Variants in ALCAM observed in about 807,000 individuals in gnomAD.
ALCAM encodes activated leukocyte cell adhesion molecule.
In ALCAM, 30 loss-of-function variants were observed where a neutral mutation model predicts 70.9. That is an observed-to-expected ratio of 0.42 (90% confidence interval 0.32 to 0.57). The LOEUF is 0.57. Ranked by LOEUF, ALCAM falls within the 20% of genes least tolerant of loss-of-function variation. The pLI is 0.11. For missense variants in ALCAM, 591 were observed against 695.1 expected, an observed-to-expected ratio of 0.85 and a Z score of 1.68; for synonymous variants, 249 against 242.5, an observed-to-expected ratio of 1.03 and a Z score of -0.25.
At chr3:105,456,431 A>T (rs1470777106) in intron 1 of ALCAM, among the ~76,000 whole-genome samples, 1 of 152,218 alleles carries the variant, frequency 6.6e-6, no homozygotes, top group Non-Finnish European at 1.5e-5. Flanking sequence ...AGCCCTTAAA[A>T]ATGATTTCAA....
chr3:105,536,863 A>G (rs887320182), intron 6 of ALCAM, among the ~76,000 whole-genome samples: 4 of 152,150 alleles, frequency 2.6e-5, no homozygotes, highest in African/African-American at 9.6e-5. Context: ...AGTGTAAATC[A>G]GAAGAACATG....
intron 1 of ALCAM, among the ~76,000 whole-genome samples, chr3:105,375,837 G>A (rs957370462): frequency 1.3e-5 from 2 of 152,072 alleles, no homozygotes; most frequent in African/African-American, 4.8e-5. Flanking sequence ...CAGAAAAGGC[G>A]ACCTGATGTG....
chr3:105,475,998 C>A (rs1212031087), intron 1 of ALCAM, among the ~76,000 whole-genome samples: 1 of 151,932 alleles, frequency 6.6e-6, no homozygotes, highest in Admixed American at 6.6e-5. Flanking sequence ...ATACCTTTCT[C>A]CTGAGGGTCT....
At chr3:105,449,379 A>G (rs1366384082) in intron 1 of ALCAM, among the ~76,000 whole-genome samples, 2 of 152,228 alleles carry the variant, frequency 1.3e-5, no homozygotes, top group African/African-American at 2.4e-5. Flanking sequence ...TTCTCCAGGC[A>G]TTTTTAGAAA....
chr3:105,407,028 A>T (rs1936253092), intron 1 of ALCAM, among the ~76,000 whole-genome samples: 1 of 152,174 alleles, frequency 6.6e-6, no homozygotes, highest in Non-Finnish European at 1.5e-5. Flanking sequence ...CTCTGAACAG[A>T]CCAATAACAA....
intron 1 of ALCAM, among the ~76,000 whole-genome samples, chr3:105,449,530 T>C (rs1338035802): frequency 6.6e-6 from 1 of 152,270 alleles, no homozygotes; most frequent in African/African-American, 2.4e-5. Context: ...ATTGTTTCAC[T>C]ATTTGATTAG....
intron 1 of ALCAM, among the ~76,000 whole-genome samples, chr3:105,519,645 T>C (rs1939477810): frequency 6.6e-6 from 1 of 152,152 alleles, no homozygotes; most frequent in Non-Finnish European, 1.5e-5. Flanking sequence ...AACACAAATA[T>C]AGTTAAAGCT....
At chr3:105,391,106 AAGT>A (rs1238181329) in intron 1 of ALCAM, among the ~76,000 whole-genome samples, 1 of 152,024 alleles carries the variant, frequency 6.6e-6, no homozygotes. Flanking sequence ...ATGAAGTTTA[AAGT>A]AGTTTTTTTC....
Position 105,524,521 on chromosome 3 carries a change from C to T in ALCAM, c.394+13C>T, listed in dbSNP as rs929797653. Reference sequence around the variant, plus strand: ...GTCAAGGTGTTCAGTAAGTAGTCTGCAGCAGTGTCACTGCTAAGTGGGATT... The same window carrying T: ...GTCAAGGTGTTCAGTAAGTAGTCTGTAGCAGTGTCACTGCTAAGTGGGATT... On this transcript the variant is annotated intron_variant, in intron 3 of 15. Transcript: ENST00000306107. The T allele has an allele frequency of 8.7e-6, 14 of 1,613,644 alleles. No individual in the cohort carries two copies. The East Asian group carries it at 2.9e-4, about 33-fold the overall frequency.
intron 1 of ALCAM, among the ~76,000 whole-genome samples, chr3:105,378,209 A>G (rs1253809470): frequency 6.6e-6 from 1 of 151,926 alleles, no homozygotes; most frequent in Non-Finnish European, 1.5e-5. Context: ...TCACTTTTAC[A>G]TAGAAAATAG....
intron 1 of ALCAM, among the ~76,000 whole-genome samples, chr3:105,402,475 G>A (rs530053373): frequency 2.6e-5 from 4 of 152,278 alleles, no homozygotes; most frequent in South Asian, 2.1e-4. Context: ...GGGGAGTCTC[G>A]TGGTTTGGGG....
At chr3:105,527,228 A>G (rs576053588) in intron 3 of ALCAM, among the ~76,000 whole-genome samples, 20 of 152,168 alleles carry the variant, frequency 1.3e-4, no homozygotes, top group Non-Finnish European at 2.5e-4. Flanking sequence ...GTCAGCCTTT[A>G]AAGGTGCCCA....
At chr3:105,443,390 G>A (rs1272007525) in intron 1 of ALCAM, among the ~76,000 whole-genome samples, 2 of 152,026 alleles carry the variant, frequency 1.3e-5, no homozygotes, top group Non-Finnish European at 2.9e-5. Context: ...TCTGCAAGGC[G>A]CAGTGTGTCT....
At chr3:105,495,942 C>T (rs1480266527) in intron 1 of ALCAM, among the ~76,000 whole-genome samples, 1 of 152,172 alleles carries the variant, frequency 6.6e-6, no homozygotes, top group Non-Finnish European at 1.5e-5. Flanking sequence ...GTTCTCAAAG[C>T]CCAAATAGTT....
intron 1 of ALCAM, among the ~76,000 whole-genome samples, chr3:105,510,998 A>G (rs1559816366): frequency 6.6e-6 from 1 of 152,052 alleles, no homozygotes. Context: ...TAGAAATGAT[A>G]AAACTACCTT....
chr3:105,454,958 G>A (rs1325156303), intron 1 of ALCAM, among the ~76,000 whole-genome samples: 1 of 151,786 alleles, frequency 6.6e-6, no homozygotes, highest in African/African-American at 2.4e-5. Context: ...GGGATTACAG[G>A]CGTGAGCCAC....
intron 14 of ALCAM, among the ~76,000 whole-genome samples, chr3:105,561,060 A>AT (rs1365797534): frequency 1.3e-5 from 2 of 151,876 alleles, no homozygotes; most frequent in East Asian, 1.9e-4. Flanking sequence ...GCTCTTTTCA[A>AT]TTTTTTTCTG....
intron 14 of ALCAM, among the ~76,000 whole-genome samples, chr3:105,568,023 G>C (rs1452737166): frequency 6.7e-6 from 1 of 148,504 alleles, no homozygotes; most frequent in African/African-American, 2.5e-5. Flanking sequence ...TGAATGTCTA[G>C]TTCTTTTATT....
chr3:105,453,202 T>G (rs1317840935), intron 1 of ALCAM, among the ~76,000 whole-genome samples: 1 of 152,216 alleles, frequency 6.6e-6, no homozygotes, highest in African/African-American at 2.4e-5. Context: ...TATTATAATT[T>G]TGGGTTTTAC....
Sources: allele counts gnomAD v4.1 joint callset (sites outside exome capture counted in the v4.1 genomes callset), GRCh38; gene constraint gnomAD v4.1.1; transcripts MANE v1.5; gene names NCBI Gene and HGNC (gene_info 2026-07-23, HGNC 2026-07-21).